JAKMIP1: variants seen among roughly 807,000 people sequenced by gnomAD.
JAKMIP1 encodes janus kinase and microtubule-interacting protein 1.
In JAKMIP1, 33 loss-of-function variants were observed where a neutral mutation model predicts 113.0. That is an observed-to-expected ratio of 0.29 (90% CI 0.22 to 0.39). The LOEUF is 0.39. Among genes scored for constraint, JAKMIP1 ranks in the 10% least tolerant of loss-of-function variants. The probability of loss-of-function intolerance (pLI) is 1.00; values close to 1 mark genes in which losing one functional copy is unlikely to be tolerated. For missense variants in JAKMIP1, 813 were observed against 1,080.5 expected, an observed-to-expected ratio of 0.75 and a Z score of 3.47; for synonymous variants, 480 against 459.9, an observed-to-expected ratio of 1.04 and a Z score of -0.56.
Position 6,180,617 on chromosome 4 carries a change from C to T in JAKMIP1, c.-148+19636G>A, listed in dbSNP as rs1185861193. Reference sequence around the variant, plus strand: ...GAACTGTTTCAAACTGTCCAAATTACCTAGTATTCTGCAGCCCTGTGACAA... The same window carrying T: ...GAACTGTTTCAAACTGTCCAAATTATCTAGTATTCTGCAGCCCTGTGACAA... On this transcript the variant is annotated intron_variant, in intron 1 of 20. Transcript: ENST00000409021. This position sits in a 1 kb window ranked among gnomAD's most constrained non-coding sequence, Gnocchi z 4.5. 6.6e-6 allele frequency among the ~76,000 whole-genome samples: 1 copy of T among 152,164 alleles called. No individual in the cohort carries two copies. The highest frequency in any genetic ancestry group is 1.5e-5 in the Non-Finnish European group (1 of 68,034).
Position 6,187,985 on chromosome 4 carries a change from G to C in JAKMIP1, c.-148+12268C>G, listed in dbSNP as rs1654297844. On this transcript the variant is annotated intron_variant, in intron 1 of 20. Transcript: ENST00000409021. The surrounding 1 kb of genome is among the most constrained non-coding windows in gnomAD (Gnocchi z 4.2). ...ACCGTGTTTGCCATGTAAGTCAGGA[G>C]CAAGGACTTCAAAGAGGTATTTCTT... 1.3e-5 allele frequency among the ~76,000 whole-genome samples: 2 copies of C among 152,180 alleles called. No individual in the cohort carries two copies. The highest frequency in any genetic ancestry group is 4.8e-5 in the African/African-American group (2 of 41,442).
rs1163470771 is a variant in JAKMIP1 at position 6,194,550 on chromosome 4, A to T, written c.-148+5703T>A. The T allele has an allele frequency of 6.6e-6, 1 of 152,206 alleles. No individual in the cohort carries two copies. The highest frequency in any genetic ancestry group is 1.5e-5 in the Non-Finnish European group (1 of 68,106). 9.4% of individuals were successfully genotyped at this position (152,206 alleles called of 1,614,324 possible). On this transcript the variant is annotated intron_variant, in intron 1 of 20. Coordinates refer to ENST00000409021, the MANE Select transcript of JAKMIP1 (RefSeq NM_001099433.2). The surrounding 1 kb of genome is among the most constrained non-coding windows in gnomAD (Gnocchi z 7.4). ...GAGTCCTCATGGAAGGAAACCCTGT[A>T]GTGATGTGTCCCACCCCCTCCAGTG...
intron 1 of JAKMIP1, among the ~76,000 whole-genome samples, chr4:6,121,767 G>C (rs2108909975): frequency 6.6e-6 from 1 of 152,308 alleles, no homozygotes; most frequent in Non-Finnish European, 1.5e-5. Flanking sequence ...ATTTTTATGT[G>C]AAATTTTCCA....
At position 6,136,871 on chromosome 4, in the gene JAKMIP1, A is replaced by G. The variant is rs1205826054; in HGVS notation, c.-147-23874T>C. 6.6e-6 allele frequency among the ~76,000 whole-genome samples: 1 copy of G among 152,220 alleles called. No homozygotes were observed. Among genetic ancestry groups the G allele is most frequent in the African/African-American group, 2.4e-5 (1 of 41,454 alleles). ...CCAGCAGCGGCACTACCCATCACAT[A>G]ACAGGCATTTAGACACAGTTGCGTT... On this transcript the variant is annotated intron_variant, in intron 1 of 20. Coordinates refer to ENST00000409021, the MANE Select transcript of JAKMIP1 (RefSeq NM_001099433.2). The surrounding 1 kb of genome is among the most constrained non-coding windows in gnomAD (Gnocchi z 5.9).
intron 1 of JAKMIP1, among the ~76,000 whole-genome samples, chr4:6,165,674 AAC>A (rs756151846): frequency 2.0e-5 from 3 of 152,234 alleles, no homozygotes; most frequent in Non-Finnish European, 4.4e-5. Context: ...AAGAGACTAC[AAC>A]AGAGTGTAAA....
intron 1 of JAKMIP1, among the ~76,000 whole-genome samples, chr4:6,126,314 CACAA>C (rs140123223): frequency 0.22 from 30,193 of 139,044 alleles, 3,545 homozygotes; most frequent in Non-Finnish European, 0.27. Context: ...GAAACACACA[CACAA>C]ACATACACCT....
rs986362423 is a variant in JAKMIP1, at chr4:6,065,820, A to C, written c.1303-812T>G. ...TCTGTCTATCAATTCATTCACTCAG[A>C]AAACACTGGCAAAGCTCCTTCTATG... is the stretch of plus-strand genomic sequence containing the variant. On this transcript the variant is annotated intron_variant, in intron 8 of 20. Transcript: ENST00000409021. The surrounding 1 kb of genome is among the most constrained non-coding windows in gnomAD (Gnocchi z 5.1). 6.6e-6 allele frequency among the ~76,000 whole-genome samples: 1 copy of C among 152,166 alleles called. No individual in the cohort carries two copies. Among genetic ancestry groups the C allele is most frequent in the East Asian group, 1.9e-4 (1 of 5,186 alleles).
rs1471068987 is a variant in JAKMIP1 at position 6,143,874 on chromosome 4, T to C, written c.-147-30877A>G. On this transcript the variant is annotated intron_variant, in intron 1 of 20. Transcript: ENST00000409021. This position sits in a 1 kb window ranked among gnomAD's most constrained non-coding sequence, Gnocchi z 4.9. ...TAGGACCCAGGCCAGGCAAGCCCCATCCCTTCCATTGATTGGCTGATGGCT... is the reference window on the plus strand; with the variant it reads ...TAGGACCCAGGCCAGGCAAGCCCCACCCCTTCCATTGATTGGCTGATGGCT... Among the ~76,000 whole-genome samples, 1 of 152,208 alleles carries C rather than the reference T, an allele frequency of 6.6e-6. No homozygotes were observed. Among genetic ancestry groups the C allele is most frequent in the East Asian group, 1.9e-4 (1 of 5,192 alleles).
Position 6,137,644 on chromosome 4 carries a change from G to C in JAKMIP1, c.-147-24647C>G, listed in dbSNP as rs969996285. The stretch of plus-strand genomic sequence containing the variant: ...ATGACCCCCACAGGGGACCAAATGA[G>C]CTATCCTGAAATGCGGAGGCTAAAG... On this transcript the variant is annotated intron_variant, in intron 1 of 20. Coordinates refer to ENST00000409021, the MANE Select transcript of JAKMIP1 (RefSeq NM_001099433.2). The surrounding 1 kb of genome is among the most constrained non-coding windows in gnomAD (Gnocchi z 4.5). Among the ~76,000 whole-genome samples, 2 of 152,216 alleles carry C rather than the reference G, an allele frequency of 1.3e-5. No homozygotes were observed. The highest frequency in any genetic ancestry group is 4.8e-5 in the African/African-American group (2 of 41,460).
rs146041049 is a variant in JAKMIP1, at chr4:6,052,823, T to C, written c.1806+1227A>G. Among the ~76,000 whole-genome samples, 907 of 152,214 alleles carry C rather than the reference T, an allele frequency of 6.0e-3. 7 individuals carry two copies. Among genetic ancestry groups the C allele is most frequent in the African/African-American group, 0.021 (861 of 41,528 alleles). ...CTAACAGCGGCAGGAGTATTAACAA[T>C]GACCTCACATAACTTCCAATTCTGT... is the stretch of plus-strand genomic sequence containing the variant. On this transcript the variant is annotated intron_variant, in intron 13 of 20. Coordinates refer to ENST00000409021, the MANE Select transcript of JAKMIP1 (RefSeq NM_001099433.2).
In JAKMIP1 at chr4:6,116,262, C is replaced by T. The variant is rs1252570535; in HGVS notation, c.-147-3265G>A. On this transcript the variant is annotated intron_variant, in intron 1 of 20. Coordinates refer to ENST00000409021, the MANE Select transcript of JAKMIP1 (RefSeq NM_001099433.2). The surrounding 1 kb of genome is among the most constrained non-coding windows in gnomAD (Gnocchi z 5.1). Reference sequence around the variant, plus strand: ...AATCAGCCCCTCTGGCTGCGGGCTGCCCAAAGGTCTCATCAGCAGGAGCAA... The same window carrying T: ...AATCAGCCCCTCTGGCTGCGGGCTGTCCAAAGGTCTCATCAGCAGGAGCAA... 3.9e-5 allele frequency among the ~76,000 whole-genome samples: 6 copies of T among 152,204 alleles called. No individual in the cohort carries two copies. The highest frequency in any genetic ancestry group is 1.9e-4 in the East Asian group (1 of 5,156).
chr4:6,176,461 G>A lies in JAKMIP1; in HGVS notation c.-148+23792C>T, dbSNP rs1343507139. On this transcript the variant is annotated intron_variant, in intron 1 of 20. Transcript: ENST00000409021. The surrounding 1 kb of genome is among the most constrained non-coding windows in gnomAD (Gnocchi z 5.5). ...AGGATTTCCGATGTTCAGCTGTATTGTACATTTTAATCTATTTACCAAGCT... is the reference window on the plus strand; with the variant it reads ...AGGATTTCCGATGTTCAGCTGTATTATACATTTTAATCTATTTACCAAGCT... Among the ~76,000 whole-genome samples the A allele has an allele frequency of 6.6e-6, 1 of 152,178 alleles. No individual in the cohort carries two copies. The highest frequency in any genetic ancestry group is 2.4e-5 in the African/African-American group (1 of 41,436).
chr4:6,045,448 T>C (rs529623623), intron 16 of JAKMIP1, among the ~76,000 whole-genome samples: 1 of 152,222 alleles, frequency 6.6e-6, no homozygotes, highest in Non-Finnish European at 1.5e-5. Context: ...TGTGTCCTGA[T>C]GACTGGGCAG....
chr4:6,029,090 G>T (rs1712243025), intron 20 of JAKMIP1, among the ~76,000 whole-genome samples: 1 of 152,232 alleles, frequency 6.6e-6, no homozygotes, highest in Non-Finnish European at 1.5e-5. Context: ...GTCATATGGA[G>T]GGGCAGGATG....
rs1725321323 is a variant in JAKMIP1 at position 6,176,159 on chromosome 4, G to C, written c.-148+24094C>G. ...GGGACTACAAATCTCTAACAGGCTT[G>C]AGTTTGACTTTGAGCACAGTGGGGA... is the stretch of plus-strand genomic sequence containing the variant. On this transcript the variant is annotated intron_variant, in intron 1 of 20. Coordinates refer to ENST00000409021, the MANE Select transcript of JAKMIP1 (RefSeq NM_001099433.2). The surrounding 1 kb of genome is among the most constrained non-coding windows in gnomAD (Gnocchi z 5.5). 6.6e-6 allele frequency among the ~76,000 whole-genome samples: 1 copy of C among 152,206 alleles called. No homozygotes were observed. The highest frequency in any genetic ancestry group is 1.5e-5 in the Non-Finnish European group (1 of 68,036).
At chr4:6,112,698 T>C (rs1266050267) in intron 2 of JAKMIP1, 24 bp downstream of exon 2, 1 of 1,610,790 alleles carries the variant, frequency 6.2e-7, no homozygotes, top group Non-Finnish European at 8.5e-7. Flanking sequence ...GCCCAGCCGC[T>C]GCTGAGCTGA....
intron 2 of JAKMIP1, among the ~76,000 whole-genome samples, chr4:6,110,631 C>T (rs753730198): frequency 2.8e-5 from 4 of 142,510 alleles, no homozygotes; most frequent in African/African-American, 5.2e-5. Context: ...GTCATGTGAG[C>T]GTATGACAGG....
In JAKMIP1 at chr4:6,162,962, A is replaced by T. The variant is rs1723144979; in HGVS notation, c.-148+37291T>A. ...TGACCATGTGAGGCCACAGCATCAG[A>T]CACGGGAAGATGCTGGGAACATCTG... On this transcript the variant is annotated intron_variant, in intron 1 of 20. Coordinates refer to ENST00000409021, the MANE Select transcript of JAKMIP1 (RefSeq NM_001099433.2). This position sits in a 1 kb window ranked among gnomAD's most constrained non-coding sequence, Gnocchi z 5.6. 6.6e-6 allele frequency among the ~76,000 whole-genome samples: 1 copy of T among 152,232 alleles called. No individual in the cohort carries two copies. Among genetic ancestry groups the T allele is most frequent in the South Asian group, 2.1e-4 (1 of 4,834 alleles).
intron 11 of JAKMIP1, among the ~76,000 whole-genome samples, chr4:6,058,116 C>A (rs1340555446): frequency 6.6e-6 from 1 of 152,234 alleles, no homozygotes; most frequent in African/African-American, 2.4e-5. Context: ...GATGAATGGA[C>A]ACAGGCTCAG....
Sources: gnomAD v4.1 joint callset for allele counts (sites outside exome capture counted in the v4.1 genomes callset) on GRCh38, gnomAD v4.1.1 for gene constraint, Gnocchi (gnomAD v3.1) non-coding constraint, MANE v1.5 for transcripts, NCBI Gene and HGNC (gene_info 2026-07-23, HGNC 2026-07-21) for gene names.